The following RGL2 variants were observed in gnomAD, a reference collection of about 807,000 sequenced individuals.
RGL2 encodes the protein ral guanine nucleotide dissociation stimulator-like 2.
RGL2 carries 40 observed loss-of-function variants against 84.6 expected under a neutral mutation model. That is an observed-to-expected ratio of 0.47 (90% CI 0.37 to 0.62). The LOEUF (loss-of-function observed/expected upper bound fraction) is 0.62, where lower values mean the gene tolerates loss of function less well. Among genes scored for constraint, RGL2 ranks in the 20% least tolerant of loss-of-function variants. The probability of loss-of-function intolerance (pLI) is 0.00; values close to 1 mark genes in which losing one functional copy is unlikely to be tolerated. For synonymous variants in RGL2, 369 were observed against 417.3 expected (o/e 0.88, Z 1.41); for missense variants, 865 against 1,019.7 (o/e 0.85, Z 2.07).
Position 33,296,905 on chromosome 6 carries a change from G to C in RGL2, c.240+127C>G. ...ATATTCAGAGAGGGCAAGAGTCTTGGCCTATGTCACACAGCAGAGTCCAGG... is the reference window on the plus strand; with the variant it reads ...ATATTCAGAGAGGGCAAGAGTCTTGCCCTATGTCACACAGCAGAGTCCAGG... On this transcript the variant is annotated intron_variant, in intron 3 of 17. Transcript: ENST00000497454. The surrounding 1 kb of genome is among the most constrained non-coding windows in gnomAD (Gnocchi z 5.0). 6.8e-7 allele frequency: 1 copy of C among 1,479,128 alleles called. No individual in the cohort carries two copies. The highest frequency in any genetic ancestry group is 1.4e-5 in the African/African-American group (1 of 72,230). The allele number at this position is 1,479,128 out of a possible 1,614,324, so 91.6% of individuals were successfully genotyped here.
At position 33,293,377 on chromosome 6, in the gene RGL2, G is replaced by A; in HGVS notation, c.1716+36C>T. The A allele has an allele frequency of 1.2e-6, 2 of 1,601,970 alleles. No individual in the cohort carries two copies. Among genetic ancestry groups the A allele is most frequent in the Non-Finnish European group, 1.7e-6 (2 of 1,175,084 alleles). Reference sequence around the variant, plus strand: ...AGGAAGAAACATTTACAGAGTGAGGGTCAGCGTCAAGGTCAGAGTCAGGAG... The same window carrying A: ...AGGAAGAAACATTTACAGAGTGAGGATCAGCGTCAAGGTCAGAGTCAGGAG... On this transcript the variant is annotated intron_variant, in intron 15 of 17. Transcript: ENST00000497454. This position sits in a 1 kb window ranked among gnomAD's most constrained non-coding sequence, Gnocchi z 7.0.
rs1277897230 is a variant in RGL2, at chr6:33,292,276, G to A, written c.2160C>T (p.Ala720=). ...GGAAATCGTGTGAAGCTCCATCCAT[G>A]GCGTAGAATACATTAGCCGAGGCTG... ...TIPASANVFY[A]MDGASHDFLL... Residue 720 remains alanine, a synonymous_variant, in exon 18 of 18, where the codon GCC becomes GCT. Coordinates refer to ENST00000497454, the MANE Select transcript of RGL2 (RefSeq NM_004761.5). 3 of 1,614,180 alleles carry A rather than the reference G, an allele frequency of 1.9e-6. No individual in the cohort carries two copies. Among genetic ancestry groups the A allele is most frequent in the Non-Finnish European group, 2.5e-6 (3 of 1,180,038 alleles).
Position 33,294,727 on chromosome 6 carries a change from G to A in RGL2, c.1314C>T (p.Asp438=). 6.2e-7 allele frequency: 1 copy of A among 1,614,022 alleles called. No individual in the cohort carries two copies. The highest frequency in any genetic ancestry group is 8.5e-7 in the Non-Finnish European group (1 of 1,179,992). ...VVPYLGTFLK[D]LVMLDAASKD... is the part of the protein sequence containing the mutation. ...TGGAGGCTGCATCCAGCATCACAAGGTCCTTCAGGAAGGTGCCAAGGTATG... is the reference window on the plus strand; with the variant it reads ...TGGAGGCTGCATCCAGCATCACAAGATCCTTCAGGAAGGTGCCAAGGTATG... Residue 438 remains aspartate, a synonymous_variant, in exon 11 of 18, where the codon GAC becomes GAT. Coordinates refer to ENST00000497454, the MANE Select transcript of RGL2 (RefSeq NM_004761.5). This position sits in a 1 kb window ranked among gnomAD's most constrained non-coding sequence, Gnocchi z 5.0.
chr6:33,295,922 G>C lies in RGL2; in HGVS notation c.768+106C>G. ...GAGAATCAAAATGGTAGGTGGAGGAGGCTAGGAGCTGGATCAGGAAGGGGT... is the reference window on the plus strand; with the variant it reads ...GAGAATCAAAATGGTAGGTGGAGGACGCTAGGAGCTGGATCAGGAAGGGGT... On this transcript the variant is annotated intron_variant, in intron 6 of 17. Coordinates refer to ENST00000497454, the MANE Select transcript of RGL2 (RefSeq NM_004761.5). The surrounding 1 kb of genome is among the most constrained non-coding windows in gnomAD (Gnocchi z 7.2). 3 of 1,475,588 alleles carry C rather than the reference G, an allele frequency of 2.0e-6. No homozygotes were observed. Among genetic ancestry groups the C allele is most frequent in the Non-Finnish European group, 2.8e-6 (3 of 1,070,938 alleles). The allele number at this position is 1,475,588 out of a possible 1,614,324, so 91.4% of individuals were successfully genotyped here. A position where few individuals can be genotyped will look rare whatever the true frequency, so the allele number is the denominator to read the frequency against.
In RGL2 at chr6:33,295,269, C is replaced by T; in HGVS notation, c.1124+50G>A. On this transcript the variant is annotated intron_variant, in intron 8 of 17. Coordinates refer to ENST00000497454, the MANE Select transcript of RGL2 (RefSeq NM_004761.5). This position sits in a 1 kb window ranked among gnomAD's most constrained non-coding sequence, Gnocchi z 7.2. The stretch of plus-strand genomic sequence containing the variant: ...GGCCTGGCTCTGTCACCCCCTCTTC[C>T]CCGCCTTCTGAGGAACCCCCACCCC... The T allele has an allele frequency of 1.3e-6, 2 of 1,563,092 alleles. No individual in the cohort carries two copies. Among genetic ancestry groups the T allele is most frequent in the Non-Finnish European group, 8.7e-7 (1 of 1,152,914 alleles).
rs1767728772 is a variant in RGL2, at chr6:33,294,373, A to G, written c.1354-307T>C. 6.6e-6 allele frequency among the ~76,000 whole-genome samples: 1 copy of G among 152,186 alleles called. No individual in the cohort carries two copies. The highest frequency in any genetic ancestry group is 2.4e-5 in the African/African-American group (1 of 41,444). On this transcript the variant is annotated intron_variant, in intron 11 of 17. Transcript: ENST00000497454. This position sits in a 1 kb window ranked among gnomAD's most constrained non-coding sequence, Gnocchi z 5.0. ...GGATAAGGAACTTGTCCAAGGTCTC[A>G]GTATTTGTTTATTTAACAAACTCTA...
At position 33,296,221 on chromosome 6, in the gene RGL2, G is replaced by C. The variant is rs374025872; in HGVS notation, c.575C>G (p.Thr192Arg). ...AACACCCTTCCCTGCTGCATACCCT[G>C]TCTGAAGTAAGAAGCTCTCAAGCCG... ...LDRLESFLLQ[T>R]GYAAGKGVGG... Residue 192 changes from threonine to arginine, a missense_variant, in exon 6 of 18, where the codon ACA becomes AGA. Around this residue, in one of 5 missense-constraint regions of RGL2, gnomAD observed 455 missense variants for 507.8 expected, o/e 0.90. Coordinates refer to ENST00000497454, the MANE Select transcript of RGL2 (RefSeq NM_004761.5). The surrounding 1 kb of genome is among the most constrained non-coding windows in gnomAD (Gnocchi z 5.0). 6.2e-7 allele frequency: 1 copy of C among 1,613,988 alleles called. No individual in the cohort carries two copies. Among genetic ancestry groups the C allele is most frequent in the East Asian group, 2.2e-5 (1 of 44,882 alleles).
chr6:33,296,750 G>A lies in RGL2; in HGVS notation c.267C>T (p.Ser89=), dbSNP rs1474075768. Residue 89 remains serine, a synonymous_variant, in exon 4 of 18, where the codon TCC becomes TCT. Coordinates refer to ENST00000497454, the MANE Select transcript of RGL2 (RefSeq NM_004761.5). The surrounding 1 kb of genome is among the most constrained non-coding windows in gnomAD (Gnocchi z 5.0). ...PLVPMPPPRS[S]RRLRAGTLEA... ...CCAGAGTGCCAGCTCGGAGCCGTCG[G>A]GAGGAACGTGGGGGAGGCATAGGGA... The A allele has an allele frequency of 1.2e-6, 2 of 1,614,046 alleles. No homozygotes were observed. Among genetic ancestry groups the A allele is most frequent in the Non-Finnish European group, 1.7e-6 (2 of 1,180,022 alleles).
chr6:33,294,876 C>A lies in RGL2; in HGVS notation c.1278+101G>T. 6.7e-7 allele frequency: 1 copy of A among 1,486,936 alleles called. No homozygotes were observed. The highest frequency in any genetic ancestry group is 9.2e-7 in the Non-Finnish European group (1 of 1,089,864). 92.1% of individuals were successfully genotyped at this position (1,486,936 alleles called of 1,614,324 possible). ...AACAGATTTCATTCTCCTCACCCCT[C>A]TGTGCCTCCCTTACCCATCCTTCAG... On this transcript the variant is annotated intron_variant, in intron 10 of 17. Coordinates refer to ENST00000497454, the MANE Select transcript of RGL2 (RefSeq NM_004761.5). The surrounding 1 kb of genome is among the most constrained non-coding windows in gnomAD (Gnocchi z 5.0).
chr6:33,297,270 A>G lies in RGL2; in HGVS notation c.157-155T>C, dbSNP rs1258895520. The G allele has an allele frequency of 8.6e-6, 5 of 578,448 alleles. No homozygotes were observed. The highest frequency in any genetic ancestry group is 1.2e-5 in the Non-Finnish European group (4 of 343,018). 35.8% of individuals were successfully genotyped at this position (578,448 alleles called of 1,614,324 possible). A position where few individuals can be genotyped will look rare whatever the true frequency, so the allele number is the denominator to read the frequency against. On this transcript the variant is annotated intron_variant, in intron 2 of 17. Transcript: ENST00000497454. The surrounding 1 kb of genome is among the most constrained non-coding windows in gnomAD (Gnocchi z 4.0). ...CGAGGAAGGGTTGGGGGAGCTGGTG[A>G]CCCCAGGTCTCCCCCACTGGGGCCC...
rs908573966 is a variant in RGL2, at chr6:33,294,177, C to T, written c.1354-111G>A. On this transcript the variant is annotated intron_variant, in intron 11 of 17. Coordinates refer to ENST00000497454, the MANE Select transcript of RGL2 (RefSeq NM_004761.5). The surrounding 1 kb of genome is among the most constrained non-coding windows in gnomAD (Gnocchi z 5.0). ...AGCCACATCCAACTCACAACCACTTCCCTCCAGCCTCTCTGACTCTTCGAT... is the reference window on the plus strand; with the variant it reads ...AGCCACATCCAACTCACAACCACTTTCCTCCAGCCTCTCTGACTCTTCGAT... The T allele has an allele frequency of 3.8e-6, 5 of 1,302,264 alleles. No homozygotes were observed. Among genetic ancestry groups the T allele is most frequent in the African/African-American group, 2.9e-5 (2 of 68,498 alleles). 80.7% of individuals were successfully genotyped at this position (1,302,264 alleles called of 1,614,324 possible). A position where few individuals can be genotyped will look rare whatever the true frequency, so the allele number is the denominator to read the frequency against.
Position 33,293,626 on chromosome 6 carries a change from A to T in RGL2, c.1582T>A (p.Leu528Met). 1 of 1,614,160 alleles carries T rather than the reference A, an allele frequency of 6.2e-7. No individual in the cohort carries two copies. Among genetic ancestry groups the T allele is most frequent in the Non-Finnish European group, 8.5e-7 (1 of 1,180,014 alleles). ...PPAPRVLRPT[L>M]VISQWTEVLG... ...CACTCTGTCCACTGCGAGATGACCA[A>T]TGTTGGCCGAAGCACCCGTGGGGCA... Residue 528 changes from leucine (L) to methionine (M), a missense_variant, in exon 14 of 18, where the codon TTG becomes ATG. This residue lies in a region of RGL2 where 302 missense variants were observed against 327.9 expected (regional missense o/e 0.92). Transcript: ENST00000497454. The surrounding 1 kb of genome is among the most constrained non-coding windows in gnomAD (Gnocchi z 7.0).
In RGL2 at chr6:33,293,984, C is replaced by G; in HGVS notation, c.1386+50G>C. The G allele has an allele frequency of 6.2e-7, 1 of 1,614,082 alleles. No homozygotes were observed. Among genetic ancestry groups the G allele is most frequent in the Non-Finnish European group, 8.5e-7 (1 of 1,180,024 alleles). On this transcript the variant is annotated intron_variant, in intron 12 of 17. Coordinates refer to ENST00000497454, the MANE Select transcript of RGL2 (RefSeq NM_004761.5). The surrounding 1 kb of genome is among the most constrained non-coding windows in gnomAD (Gnocchi z 7.0). ...CCCCTGACTTTTCCCCCTCCCCTTCCTGGAACATGGATAGGGAAGTCCAGC... is the reference window on the plus strand; with the variant it reads ...CCCCTGACTTTTCCCCCTCCCCTTCGTGGAACATGGATAGGGAAGTCCAGC...
Position 33,295,818 on chromosome 6 carries a change from T to A in RGL2, c.769-59A>T, listed in dbSNP as rs1767891745. The A allele has an allele frequency of 1.3e-6, 2 of 1,568,170 alleles. No homozygotes were observed. Among genetic ancestry groups the A allele is most frequent in the African/African-American group, 2.7e-5 (2 of 73,906 alleles). Reference sequence around the variant, plus strand: ...GTCAAGTGAGGTCAGCCTTCCAATATCAGGGATCTGAGGATCTCAGGTGGC... The same window carrying A: ...GTCAAGTGAGGTCAGCCTTCCAATAACAGGGATCTGAGGATCTCAGGTGGC... On this transcript the variant is annotated intron_variant, in intron 6 of 17. Transcript: ENST00000497454. The surrounding 1 kb of genome is among the most constrained non-coding windows in gnomAD (Gnocchi z 7.2).
In RGL2 at chr6:33,292,157, C is replaced by T. The variant is rs571188739; in HGVS notation, c.2279G>A (p.Gly760Asp). The T allele has an allele frequency of 5.0e-6, 8 of 1,614,198 alleles. No individual in the cohort carries two copies. In the African/African-American group the frequency reaches 1.1e-4, roughly 22 times the overall value. ...SGTPPSEGGG[G>D]SFPRIKATGR... The stretch of plus-strand genomic sequence containing the variant: ...TGTGGCCTTGATCCTGGGAAAGGAG[C>T]CCCCTCCTCCCTCACTCGGAGGAGT... Residue 760 changes from glycine (G) to aspartate (D), a missense_variant, in exon 18 of 18, where the codon GGC (glycine) becomes GAC (aspartate). Gly to Asp is a moderately conservative substitution (Grantham distance 94). Transcript: ENST00000497454.
In RGL2 at chr6:33,294,118, CAGAG is replaced by C; in HGVS notation, c.1354-56_1354-53del. 6 of 1,582,996 alleles carry C rather than the reference CAGAG, an allele frequency of 3.8e-6. No individual in the cohort carries two copies. The highest frequency in any genetic ancestry group is 5.2e-6 in the Non-Finnish European group (6 of 1,162,706). On this transcript the variant is annotated intron_variant, in intron 11 of 17. Coordinates refer to ENST00000497454, the MANE Select transcript of RGL2 (RefSeq NM_004761.5). This position sits in a 1 kb window ranked among gnomAD's most constrained non-coding sequence, Gnocchi z 5.0. ...AAGTTCCAACCCTACCTTCCGGCCA[CAGAG>C]AGAGAATATCCCCTCTCTTAAACAC...
Position 33,295,281 on chromosome 6 carries a change from G to A in RGL2, c.1124+38C>T. On this transcript the variant is annotated intron_variant, in intron 8 of 17. Transcript: ENST00000497454. This position sits in a 1 kb window ranked among gnomAD's most constrained non-coding sequence, Gnocchi z 7.2. ...TCACCCCCTCTTCCCCGCCTTCTGA[G>A]GAACCCCCACCCCAGTCCAATGCCT... The A allele has an allele frequency of 6.4e-7, 1 of 1,560,784 alleles. No individual in the cohort carries two copies. The highest frequency in any genetic ancestry group is 8.7e-7 in the Non-Finnish European group (1 of 1,151,976).
chr6:33,295,867 T>C lies in RGL2; in HGVS notation c.769-108A>G. The C allele has an allele frequency of 6.8e-7, 1 of 1,463,272 alleles. No individual in the cohort carries two copies. Among genetic ancestry groups the C allele is most frequent in the South Asian group, 1.2e-5 (1 of 80,764 alleles). 90.6% of individuals were successfully genotyped at this position (1,463,272 alleles called of 1,614,324 possible). A position where few individuals can be genotyped will look rare whatever the true frequency, so the allele number is the denominator to read the frequency against. On this transcript the variant is annotated intron_variant, in intron 6 of 17. Transcript: ENST00000497454. The surrounding 1 kb of genome is among the most constrained non-coding windows in gnomAD (Gnocchi z 7.2). ...GCCAAGGAACCAGAGGGGCACAGGG[T>C]TTGAAGGGTAACGACCAAAGGGAAA...
rs1052674853 is a variant in RGL2 at position 33,298,519 on chromosome 6, C to T, written c.92G>A (p.Gly31Asp). The change falls in exon 2 of 18, where the codon GGT becomes GAT. Residue 31 changes from glycine to aspartate, a missense_variant. Transcript: ENST00000497454. This position sits in a 1 kb window ranked among gnomAD's most constrained non-coding sequence, Gnocchi z 4.8. ...CACGACCAGGCCACCTGGGCCCCCA[C>T]CCTCTTCGGGGTCCCGGCTTCGGAA... is the stretch of plus-strand genomic sequence containing the variant. ...SSFRSRDPEE[G>D]GGPGGLVVGG... is the part of the protein sequence containing the mutation. 1.3e-6 allele frequency: 2 copies of T among 1,513,218 alleles called. No individual in the cohort carries two copies. Among genetic ancestry groups the T allele is most frequent in the Non-Finnish European group, 1.8e-6 (2 of 1,131,130 alleles). The allele number at this position is 1,513,218 out of a possible 1,614,324, so 93.7% of individuals were successfully genotyped here. A position where few individuals can be genotyped will look rare whatever the true frequency, so the allele number is the denominator to read the frequency against.
Sources: gnomAD v4.1 joint callset for allele counts (sites outside exome capture counted in the v4.1 genomes callset) on GRCh38, gnomAD v4.1.1 for gene constraint, gnomAD v4.1.1 regional missense constraint, Gnocchi (gnomAD v3.1) non-coding constraint, MANE v1.5 for transcripts, NCBI Gene and HGNC (gene_info 2026-07-23, HGNC 2026-07-21) for gene names.